RAB10: variants seen among roughly 807,000 people sequenced by gnomAD.
The protein encoded by RAB10 is ras-related protein Rab-10.
A neutral mutation model predicts 25.7 loss-of-function variants in RAB10; 5 were observed. The observed-to-expected ratio is 0.19, with a 90% CI of 0.10 to 0.41. RAB10 has a LOEUF of 0.41. Ranked by LOEUF, RAB10 falls within the 10% of genes least tolerant of loss-of-function variation. The pLI is 1.00. For missense variants in RAB10, 103 were observed against 245.8 expected (o/e 0.42, Z 3.89); for synonymous variants, 89 against 86.4 (o/e 1.03, Z -0.16).
chr2:26,083,282 CA>C (rs1234920794), intron 1 of RAB10, among the ~76,000 whole-genome samples: 2 of 151,962 alleles, frequency 1.3e-5, no homozygotes, highest in African/African-American at 4.8e-5. Flanking sequence ...ACCTTCTCCA[CA>C]AAAAAAGAGC....
At position 26,040,270 on chromosome 2, in the gene RAB10, G is replaced by C. The variant is rs577797650; in HGVS notation, c.127+5535G>C. Among the ~76,000 whole-genome samples, 6 of 152,216 alleles carry C rather than the reference G, an allele frequency of 3.9e-5. No homozygotes were observed. The South Asian group carries it at 1.2e-3, about 32-fold the overall frequency. On this transcript the variant is annotated intron_variant, in intron 1 of 5. Transcript: ENST00000264710. ...GGGCTTAAGCAATCCTCCTTCCTCG[G>C]CCTCTCACGTAGCTGGGACTACAGG...
rs573818403 is a variant in RAB10 at position 26,038,227 on chromosome 2, G to A, written c.127+3492G>A. On this transcript the variant is annotated intron_variant, in intron 1 of 5. Coordinates refer to ENST00000264710, the MANE Select transcript of RAB10 (RefSeq NM_016131.5). ...TTTTTTTTTTTTGAGATGGATTTTCGCTTTTGTTGCTCAGGCTGGAGTGTA... is the reference window on the plus strand; with the variant it reads ...TTTTTTTTTTTTGAGATGGATTTTCACTTTTGTTGCTCAGGCTGGAGTGTA... 1.3e-3 allele frequency among the ~76,000 whole-genome samples: 182 copies of A among 145,494 alleles called. 1 individual carries two copies. The highest frequency in any genetic ancestry group is 4.2e-3 in the African/African-American group (164 of 39,012).
intron 2 of RAB10, among the ~76,000 whole-genome samples, chr2:26,107,278 A>G (rs1412365497): frequency 6.6e-6 from 1 of 151,566 alleles, no homozygotes; most frequent in Non-Finnish European, 1.5e-5. Context: ...CTAGGTGAAG[A>G]ATTCTTAGAC....
At chr2:26,072,072 T>TTG (rs58860447) in intron 1 of RAB10, among the ~76,000 whole-genome samples, 117,124 of 151,892 alleles carry the variant, frequency 0.77, 45,204 homozygotes, top group East Asian at 0.87. Flanking sequence ...TGTTATAAAA[T>TTG]TGCGCAGATA....
intron 3 of RAB10, among the ~76,000 whole-genome samples, chr2:26,115,269 C>G (rs577047733): frequency 4.0e-5 from 6 of 151,728 alleles, no homozygotes; most frequent in Non-Finnish European, 5.9e-5. Context: ...AATATATATC[C>G]ACAAAAGGTG....
intron 1 of RAB10, among the ~76,000 whole-genome samples, chr2:26,090,417 A>G (rs755105303): frequency 6.7e-6 from 1 of 149,448 alleles, no homozygotes; most frequent in African/African-American, 2.5e-5. Context: ...ACTTTGGTGT[A>G]AGTTTTATGC....
At chr2:26,037,933 C>T (rs1665798766) in intron 1 of RAB10, among the ~76,000 whole-genome samples, 1 of 151,958 alleles carries the variant, frequency 6.6e-6, no homozygotes, top group South Asian at 2.1e-4. Flanking sequence ...TTTGCCCAGG[C>T]TGGAGTGCAA....
chr2:26,100,242 A>G (rs778142522), intron 2 of RAB10, among the ~76,000 whole-genome samples: 8 of 152,246 alleles, frequency 5.3e-5, no homozygotes, highest in African/African-American at 1.7e-4. Flanking sequence ...TGAAGGGACA[A>G]TTAAACATTG....
intron 1 of RAB10, among the ~76,000 whole-genome samples, chr2:26,077,407 A>G (rs1334506035): frequency 3.3e-5 from 5 of 152,160 alleles, no homozygotes; most frequent in Admixed American, 2.6e-4. Flanking sequence ...ATTAGCTGGT[A>G]CTGTGGAATT....
intron 1 of RAB10, among the ~76,000 whole-genome samples, chr2:26,092,868 A>G (rs1667137914): frequency 6.6e-6 from 1 of 152,194 alleles, no homozygotes; most frequent in Non-Finnish European, 1.5e-5. Context: ...GAAAAACAAT[A>G]TGGACTGTAG....
chr2:26,058,903 A>G (rs943892774), intron 1 of RAB10, among the ~76,000 whole-genome samples: 4 of 152,210 alleles, frequency 2.6e-5, no homozygotes, highest in African/African-American at 9.6e-5. Context: ...ATGACTTCTG[A>G]TTAAGTTTTA....
At chr2:26,086,531 C>T (rs556129396) in intron 1 of RAB10, among the ~76,000 whole-genome samples, 9 of 152,294 alleles carry the variant, frequency 5.9e-5, no homozygotes, top group African/African-American at 2.2e-4. Flanking sequence ...GTACAGCCAC[C>T]ATGGCAATTC....
At chr2:26,087,199 G>A (rs1667006109) in intron 1 of RAB10, among the ~76,000 whole-genome samples, 1 of 152,058 alleles carries the variant, frequency 6.6e-6, no homozygotes. Flanking sequence ...AATCAGACAT[G>A]GTACTGAATA....
At position 26,136,443 on chromosome 2, in the gene RAB10, A is replaced by G. The variant is rs1298401653; in HGVS notation, c.*1422A>G. 2 of 152,626 alleles carry G rather than the reference A, an allele frequency of 1.3e-5. No individual in the cohort carries two copies. The highest frequency in any genetic ancestry group is 2.1e-4 in the South Asian group (1 of 4,828). The allele number at this position is 152,626 out of a possible 1,614,324, so 9.5% of individuals were successfully genotyped here. On this transcript the variant is annotated 3_prime_UTR_variant, in exon 6 of 6. Coordinates refer to ENST00000264710, the MANE Select transcript of RAB10 (RefSeq NM_016131.5). ...ATCCTTTTGGAAAACTTGTATTACC[A>G]TGGGTTTGGAAAAAGGACAACGAAA...
chr2:26,122,544 T>C (rs1267330463), intron 3 of RAB10, among the ~76,000 whole-genome samples: 2 of 150,734 alleles, frequency 1.3e-5, no homozygotes, highest in East Asian at 3.9e-4. Context: ...AGGAGAATGG[T>C]GTGAACCCGG....
At position 26,036,235 on chromosome 2, in the gene RAB10, G is replaced by A. The variant is rs184582194; in HGVS notation, c.127+1500G>A. ...CTGGGAATAAATGATGAACACAACA[G>A]ACCCCTTGAGGAGCATTCCGGTGAG... On this transcript the variant is annotated intron_variant, in intron 1 of 5. Transcript: ENST00000264710. Among the ~76,000 whole-genome samples, 3 of 152,328 alleles carry A rather than the reference G, an allele frequency of 2.0e-5. 1 individual carries two copies. The East Asian group carries it at 5.8e-4, about 29-fold the overall frequency.
At chr2:26,124,389 C>CTTTTTTTTTTTTTT (rs10669615) in intron 3 of RAB10, among the ~76,000 whole-genome samples, 222 of 19,678 alleles carry the variant, frequency 0.011, 96 homozygotes, top group East Asian at 0.053. Flanking sequence ...GTTGTTGTTG[C>CTTTTTTTTTTTTTT]TTTTTTTTTT....
intron 5 of RAB10, among the ~76,000 whole-genome samples, chr2:26,130,060 A>AGG (rs1667981935): frequency 6.6e-6 from 1 of 152,190 alleles, no homozygotes; most frequent in Non-Finnish European, 1.5e-5. Flanking sequence ...GATGGTGGTA[A>AGG]GGGGGACGGA....
chr2:26,048,011 C>A (rs938580200), intron 1 of RAB10, among the ~76,000 whole-genome samples: 10 of 149,102 alleles, frequency 6.7e-5, no homozygotes, highest in Non-Finnish European at 1.0e-4. Flanking sequence ...GGATTACAGG[C>A]GTGAGCCACC....
Sources: allele counts gnomAD v4.1 joint callset (sites outside exome capture counted in the v4.1 genomes callset), GRCh38; gene constraint gnomAD v4.1.1; transcripts MANE v1.5; gene names NCBI Gene and HGNC (gene_info 2026-07-23, HGNC 2026-07-21).